The following BRSK2 variants were observed in gnomAD, a reference collection of about 807,000 sequenced individuals.
The protein encoded by BRSK2 is serine/threonine-protein kinase BRSK2.
Under a neutral mutation model 83.3 loss-of-function variants are expected in BRSK2, and 19 were observed. The observed-to-expected ratio is 0.23, with a 90% CI of 0.16 to 0.33. The LOEUF is 0.33. BRSK2 is among the 10% of genes least tolerant of loss of function. BRSK2 has a pLI of 1.00. For missense variants in BRSK2, 798 were observed against 1,042.3 expected, an observed-to-expected ratio of 0.77 and a Z score of 3.23; for synonymous variants, 519 against 435.4, an observed-to-expected ratio of 1.19 and a Z score of -2.39.
intron 15 of BRSK2, among the ~76,000 whole-genome samples, chr11:1,452,509 A>T (rs1845922416): frequency 1.3e-5 from 2 of 152,236 alleles, no homozygotes; most frequent in Admixed American, 1.3e-4. Context: ...GGTGGCTTTG[A>T]TGCCACTGTG....
chr11:1,445,478 C>A lies in BRSK2; in HGVS notation c.977+20C>A. On this transcript the variant is annotated intron_variant, in intron 10 of 19. Coordinates refer to ENST00000528841, the MANE Select transcript of BRSK2 (RefSeq NM_001256627.2). ...CGAGGAGTGCGTCTGGGGCTGCTCCCGGGTGGGGCACGGGGCCTGAGGTGG... is the reference window on the plus strand; with the variant it reads ...CGAGGAGTGCGTCTGGGGCTGCTCCAGGGTGGGGCACGGGGCCTGAGGTGG... 1 of 1,610,916 alleles carries A rather than the reference C, an allele frequency of 6.2e-7. No homozygotes were observed. Among genetic ancestry groups the A allele is most frequent in the South Asian group, 1.1e-5 (1 of 90,790 alleles).
intron 1 of BRSK2, among the ~76,000 whole-genome samples, chr11:1,408,055 A>C (rs1847030444): frequency 6.6e-6 from 1 of 151,760 alleles, no homozygotes; most frequent in African/African-American, 2.4e-5. Flanking sequence ...AGGTCCTTCC[A>C]CTCCAGAATC....
intron 18 of BRSK2, chr11:1,456,900 C>T (rs1846637666): frequency 1.3e-6 from 2 of 1,570,910 alleles, no homozygotes; most frequent in African/African-American, 1.3e-5. Context: ...CTCTGCACGC[C>T]AGGGACATAG....
Position 1,461,047 on chromosome 11 carries a change from C to A in BRSK2, c.*324C>A. 1 of 1,606,186 alleles carries A rather than the reference C, an allele frequency of 6.2e-7. No homozygotes were observed. The highest frequency in any genetic ancestry group is 8.5e-7 in the Non-Finnish European group (1 of 1,176,250). ...CGAAGGCAGCTGCTGCGGACCCGCC[C>A]TCCCTCCGCTCCTGCTGTTGCTGCC... On this transcript the variant is annotated 3_prime_UTR_variant, in exon 20 of 20. Transcript: ENST00000528841.
At chr11:1,460,360 T>C in intron 19 of BRSK2, 140 bp from the exon 20 acceptor site, 1 of 969,106 alleles carries the variant, frequency 1.0e-6, no homozygotes, top group South Asian at 2.0e-5. Flanking sequence ...CATCTCTGGG[T>C]TCTTTCCCTC....
At chr11:1,421,615 C>T (rs537967831) in intron 1 of BRSK2, among the ~76,000 whole-genome samples, 8 of 152,284 alleles carry the variant, frequency 5.3e-5, no homozygotes, top group East Asian at 1.9e-4. Flanking sequence ...CACTGGTGGG[C>T]GGTGGAGGCT....
chr11:1,443,316 C>G lies in BRSK2; in HGVS notation c.565-19C>G. 2 of 1,600,172 alleles carry G rather than the reference C, an allele frequency of 1.2e-6. No homozygotes were observed. The highest frequency in any genetic ancestry group is 1.7e-6 in the Non-Finnish European group (2 of 1,174,658). ...CCCTGCCCTGCGCCCCCCAACAGCC[C>G]GGGCACTGCTGTCCACAGGGGGAGA... On this transcript the variant is annotated intron_variant, in intron 6 of 19. Coordinates refer to ENST00000528841, the MANE Select transcript of BRSK2 (RefSeq NM_001256627.2).
chr11:1,451,623 C>T (rs927662779), intron 15 of BRSK2, among the ~76,000 whole-genome samples: 1 of 152,190 alleles, frequency 6.6e-6, no homozygotes. Flanking sequence ...GGAGGAGCCC[C>T]CAGCCCTGTT....
At position 1,396,185 on chromosome 11, in the gene BRSK2, T is replaced by TCCTGGTCC. The variant is rs1554885311; in HGVS notation, c.91+5811_91+5812insCTGGTCCC. Among the ~76,000 whole-genome samples the TCCTGGTCC allele has an allele frequency of 2.4e-4, 19 of 79,200 alleles. 3 individuals carry two copies. Among genetic ancestry groups the TCCTGGTCC allele is most frequent in the Non-Finnish European group, 1.9e-4 (7 of 35,926 alleles). 52.0% of individuals were successfully genotyped at this position (79,200 alleles called of 152,430 possible). On this transcript the variant is annotated intron_variant, in intron 1 of 19. Coordinates refer to ENST00000528841, the MANE Select transcript of BRSK2 (RefSeq NM_001256627.2). The stretch of plus-strand genomic sequence containing the variant: ...ACCCCTGCGTCCCCCGCTCCTCGTC[T>TCCTGGTCC]CTCTTCCCTTCCACCCACGTCCCCC...
At chr11:1,436,425 AG>A (rs2133012737) in intron 2 of BRSK2, among the ~76,000 whole-genome samples, 1 of 152,296 alleles carries the variant, frequency 6.6e-6, no homozygotes, top group South Asian at 2.1e-4. Context: ...CTGTGCTAGC[AG>A]GCGGGGCTTC....
At chr11:1,458,576 C>T (rs891658236) in intron 18 of BRSK2, among the ~76,000 whole-genome samples, 7 of 152,146 alleles carry the variant, frequency 4.6e-5, no homozygotes, top group East Asian at 3.9e-4. Flanking sequence ...AGACTGCGGC[C>T]GAGGGAGGGG....
At chr11:1,459,545 C>G (rs573486426) in intron 19 of BRSK2, 1 of 426,996 alleles carries the variant, frequency 2.3e-6, no homozygotes. Flanking sequence ...CCCACTGGTG[C>G]AGGCTGTGGC....
intron 1 of BRSK2, among the ~76,000 whole-genome samples, 165 bp from the exon 2 acceptor site, chr11:1,435,875 G>A (rs1483569207): frequency 6.6e-6 from 1 of 151,848 alleles, no homozygotes; most frequent in Admixed American, 6.5e-5. Context: ...CCAGCACTGA[G>A]CTGTTCTGGA....
chr11:1,447,182 C>T (rs1412472145), intron 12 of BRSK2, among the ~76,000 whole-genome samples: 1 of 152,110 alleles, frequency 6.6e-6, no homozygotes, highest in East Asian at 1.9e-4. Context: ...TAGGGGGTAG[C>T]AAGGGGCCCT....
intron 8 of BRSK2, among the ~76,000 whole-genome samples, chr11:1,444,450 G>C (rs184758837): frequency 6.6e-6 from 1 of 152,126 alleles, no homozygotes; most frequent in Non-Finnish European, 1.5e-5. Flanking sequence ...AGAAGGGGCC[G>C]TGTGGCTGGC....
At position 1,454,339 on chromosome 11, in the gene BRSK2, A is replaced by G; in HGVS notation, c.1545-146A>G. The G allele has an allele frequency of 1.0e-6, 1 of 965,240 alleles. No homozygotes were observed. The allele number at this position is 965,240 out of a possible 1,614,324, so 59.8% of individuals were successfully genotyped here. A position where few individuals can be genotyped will look rare whatever the true frequency, so the allele number is the denominator to read the frequency against. On this transcript the variant is annotated intron_variant, in intron 15 of 19. Transcript: ENST00000528841. The surrounding 1 kb of genome is among the most constrained non-coding windows in gnomAD (Gnocchi z 5.2). ...GGGTTAGGGCGTTGGGGTCAGGGCC[A>G]TGGGTTCTGGCTAGCACTGTGGAGA...
At chr11:1,458,374 A>C (rs1846917163) in intron 18 of BRSK2, among the ~76,000 whole-genome samples, 1 of 152,038 alleles carries the variant, frequency 6.6e-6, no homozygotes, top group Non-Finnish European at 1.5e-5. Flanking sequence ...TTGGGGGTCT[A>C]TTCTGGGCCC....
At chr11:1,443,260 C>T (rs1851601986) in intron 6 of BRSK2, 75 bp from the exon 7 acceptor site, 6 of 1,530,956 alleles carry the variant, frequency 3.9e-6, no homozygotes. Context: ...CGGGCCGACT[C>T]CCTCTGAGCC....
chr11:1,441,306 A>T (rs1441691479), intron 4 of BRSK2, among the ~76,000 whole-genome samples: 1 of 19,128 alleles, frequency 5.2e-5, no homozygotes, highest in Non-Finnish European at 8.8e-5. Flanking sequence ...CAAGTGCACC[A>T]TCCCCCCCAT....
Sources: gnomAD v4.1 joint callset for allele counts (sites outside exome capture counted in the v4.1 genomes callset) on GRCh38, gnomAD v4.1.1 for gene constraint, Gnocchi (gnomAD v3.1) non-coding constraint, MANE v1.5 for transcripts, NCBI Gene and HGNC (gene_info 2026-07-23, HGNC 2026-07-21) for gene names.